RIN2: variants seen among roughly 807,000 people sequenced by gnomAD.
RIN2 encodes the protein Ras and Rab interactor 2, also known as RAB5 interacting protein 2.
RIN2 carries 36 observed loss-of-function variants against 78.0 expected under a neutral mutation model. The observed-to-expected ratio is 0.46, with a 90% CI of 0.35 to 0.61. The LOEUF is 0.61. Ranked by LOEUF, RIN2 falls within the 20% of genes least tolerant of loss-of-function variation. The pLI, the probability that RIN2 is intolerant of heterozygous loss-of-function variation, is 0.00. For missense variants in RIN2, 1,087 were observed against 1,159.7 expected (o/e 0.94, Z 0.91); for synonymous variants, 466 against 466.8 (o/e 1.00, Z 0.02).
chr20:19,858,524 G>T (rs2037235002), intron 2 of RIN2, among the ~76,000 whole-genome samples: 1 of 152,146 alleles, frequency 6.6e-6, no homozygotes, highest in African/African-American at 2.4e-5. Flanking sequence ...CCTCTTCCGT[G>T]CTCACAGCCC....
intron 6 of RIN2, 47 bp from the exon 7 acceptor site, chr20:19,964,905 G>A (rs2041887951): frequency 6.5e-7 from 1 of 1,538,372 alleles, no homozygotes; most frequent in African/African-American, 1.4e-5. Context: ...TCCTGTCCCA[G>A]AACGTGCTCA....
chr20:19,857,246 G>C (rs1042628602), intron 2 of RIN2, among the ~76,000 whole-genome samples: 10 of 152,038 alleles, frequency 6.6e-5, no homozygotes, highest in African/African-American at 2.4e-4. Context: ...CTTTGTGACT[G>C]GCCTCTTTTG....
chr20:19,759,390 A>G (rs1452914184), intron 1 of RIN2, among the ~76,000 whole-genome samples: 2 of 152,216 alleles, frequency 1.3e-5, no homozygotes, highest in Non-Finnish European at 2.9e-5. Context: ...TACTGAAGCA[A>G]AAAGAAACAC....
chr20:19,873,576 A>C (rs1409256120), intron 2 of RIN2, among the ~76,000 whole-genome samples: 2 of 152,202 alleles, frequency 1.3e-5, no homozygotes, highest in Non-Finnish European at 2.9e-5. Flanking sequence ...TGTTTCAATG[A>C]AACTTTATTC....
At chr20:19,884,525 T>C (rs1237014035) in intron 2 of RIN2, among the ~76,000 whole-genome samples, 1 of 152,218 alleles carries the variant, frequency 6.6e-6, no homozygotes, top group East Asian at 1.9e-4. Flanking sequence ...TAAATTAGCT[T>C]GTCTTTTCAA....
chr20:19,921,626 A>G (rs2039925789), intron 3 of RIN2, among the ~76,000 whole-genome samples: 1 of 152,194 alleles, frequency 6.6e-6, no homozygotes, highest in South Asian at 2.1e-4. Context: ...TGGCTCCAGG[A>G]AGAACCCACC....
rs914201261 is a variant in RIN2, at chr20:19,764,282, A to G, written c.-163+5955A>G. ...GCATTTTAACTATGGCTCGATTACA[A>G]GAATACTTTTAAAACATGAATGGAA... On this transcript the variant is annotated intron_variant, in intron 1 of 12. Coordinates refer to ENST00000255006, the MANE Select transcript of RIN2 (RefSeq NM_018993.4). Among the ~76,000 whole-genome samples, 4 of 152,242 alleles carry G rather than the reference A, an allele frequency of 2.6e-5. 1 individual carries two copies. In the South Asian group the frequency reaches 8.3e-4, roughly 32 times the overall value.
chr20:19,984,080 G>A (rs2042551523), intron 9 of RIN2, among the ~76,000 whole-genome samples: 1 of 144,622 alleles, frequency 6.9e-6, no homozygotes, highest in African/African-American at 2.7e-5. Context: ...ATCATTCTGA[G>A]CAAACTATCG....
chr20:19,886,612 C>CTTCTTTTTTTTT, intron 2 of RIN2: 3 of 519,894 alleles, frequency 5.8e-6, no homozygotes, highest in Non-Finnish European at 9.9e-6. Flanking sequence ...TCTTCTTCTT[C>CTTCTTTTTTTTT]TTTTTTTTTT....
intron 12 of RIN2, 135 bp from the exon 13 acceptor site, chr20:20,000,478 C>A: frequency 1.5e-6 from 1 of 680,386 alleles, no homozygotes; most frequent in East Asian, 2.5e-5. Context: ...TTCGAAGCCT[C>A]GTGGCCTGAC....
At position 19,966,614 on chromosome 20, in the gene RIN2, T is replaced by C. The variant is rs144378980; in HGVS notation, c.536+1590T>C. 2.2e-4 allele frequency among the ~76,000 whole-genome samples: 34 copies of C among 152,210 alleles called. No individual in the cohort carries two copies. In the East Asian group the frequency reaches 6.6e-3, roughly 29 times the overall value. ...GCTGGGATTACAGGTGTGAGCACCATGCCCGGCCAGGAGCCACTAAGCCGT... is the reference window on the plus strand; with the variant it reads ...GCTGGGATTACAGGTGTGAGCACCACGCCCGGCCAGGAGCCACTAAGCCGT... On this transcript the variant is annotated intron_variant, in intron 7 of 12. Transcript: ENST00000255006.
At chr20:19,920,583 A>C (rs186707020) in intron 3 of RIN2, among the ~76,000 whole-genome samples, 174 of 152,338 alleles carry the variant, frequency 1.1e-3, no homozygotes, top group Non-Finnish European at 1.8e-3. Context: ...ACCTTTTACA[A>C]CTTATTTTTC....
At chr20:19,908,321 C>G (rs2123701578) in intron 3 of RIN2, among the ~76,000 whole-genome samples, 1 of 152,184 alleles carries the variant, frequency 6.6e-6, no homozygotes, top group African/African-American at 2.4e-5. Context: ...GAAACCCCGT[C>G]TCTACTAAAA....
intron 1 of RIN2, among the ~76,000 whole-genome samples, chr20:19,776,636 G>A (rs532643111): frequency 6.6e-6 from 1 of 152,100 alleles, no homozygotes; most frequent in Admixed American, 6.5e-5. Flanking sequence ...GGAGGCTGAG[G>A]TGGAAGAATT....
At chr20:19,987,463 A>G (rs1433765928) in intron 9 of RIN2, among the ~76,000 whole-genome samples, 1 of 152,256 alleles carries the variant, frequency 6.6e-6, no homozygotes, top group Non-Finnish European at 1.5e-5. Context: ...GAAAAGCTGT[A>G]TAAATGGTTA....
rs10605325 is a variant in RIN2 at position 19,764,918 on chromosome 20, G to GTTTTTTTTTTTTTTTTTT, written c.-163+6599_-163+6616dup. On this transcript the variant is annotated intron_variant, in intron 1 of 12. Coordinates refer to ENST00000255006, the MANE Select transcript of RIN2 (RefSeq NM_018993.4). Reference sequence around the variant, plus strand: ...GGGCAAGTCCCACTTCACTTTCTGCGTTTTTTTTTTTTTTTTTTTTTTTTT... The same window carrying GTTTTTTTTTTTTTTTTTT: ...GGGCAAGTCCCACTTCACTTTCTGCGTTTTTTTTTTTTTTTTTTTTTTTTTTTTTTTTTTTTTTTTTTT... 1.2e-3 allele frequency among the ~76,000 whole-genome samples: 62 copies of GTTTTTTTTTTTTTTTTTT among 50,388 alleles called. 20 individuals are homozygous for GTTTTTTTTTTTTTTTTTT. Among genetic ancestry groups the GTTTTTTTTTTTTTTTTTT allele is most frequent in the Non-Finnish European group, 1.6e-3 (45 of 27,470 alleles). 33.1% of individuals were successfully genotyped at this position (50,388 alleles called of 152,430 possible). A position where few individuals can be genotyped will look rare whatever the true frequency, so the allele number is the denominator to read the frequency against.
Position 20,000,858 on chromosome 20 carries a change from C to G in RIN2, c.2610C>G (p.His870Gln), listed in dbSNP as rs762603322. Reference protein sequence around the residue: ...LHSRPQPHIFHFVYKRIKNDP... With the variant: ...LHSRPQPHIFQFVYKRIKNDP... Reference sequence around the variant, plus strand: ...GCCGACCACAGCCCCACATCTTCCACTTTGTCTACAAACGCATCAAGAACG... The same window carrying G: ...GCCGACCACAGCCCCACATCTTCCAGTTTGTCTACAAACGCATCAAGAACG... The change falls in exon 13 of 13, where the codon CAC (histidine) becomes CAG (glutamine). Residue 870 changes from histidine to glutamine, a missense_variant. Physicochemically the swap from His to Gln is conservative, Grantham distance 24. Transcript: ENST00000255006. The G allele has an allele frequency of 5.0e-6, 8 of 1,614,032 alleles. No individual in the cohort carries two copies. The highest frequency in any genetic ancestry group is 6.8e-6 in the Non-Finnish European group (8 of 1,179,898).
intron 3 of RIN2, among the ~76,000 whole-genome samples, chr20:19,918,932 A>C (rs1305972272): frequency 1.3e-5 from 2 of 152,238 alleles, no homozygotes; most frequent in Non-Finnish European, 2.9e-5. Context: ...TGGCTGAACT[A>C]TGTGTGGGAG....
intron 1 of RIN2, among the ~76,000 whole-genome samples, chr20:19,771,023 T>C (rs2034099875): frequency 6.6e-6 from 1 of 152,110 alleles, no homozygotes; most frequent in African/African-American, 2.4e-5. Context: ...AACACAAATA[T>C]TTATTGGATT....
Sources: gnomAD v4.1 joint callset for allele counts (sites outside exome capture counted in the v4.1 genomes callset) on GRCh38, gnomAD v4.1.1 for gene constraint, MANE v1.5 for transcripts, NCBI Gene and HGNC (gene_info 2026-07-23, HGNC 2026-07-21) for gene names.